Variants in KDM3B observed in about 807,000 individuals in gnomAD.
The protein encoded by KDM3B is lysine demethylase 3B.
KDM3B carries 10 observed loss-of-function variants against 170.0 expected under a neutral mutation model. The observed-to-expected ratio is 0.06, with a 90% CI of 0.04 to 0.10. KDM3B has a LOEUF of 0.10. KDM3B is among the 10% of genes least tolerant of loss of function. The probability of loss-of-function intolerance (pLI) is 1.00; values close to 1 mark genes in which losing one functional copy is unlikely to be tolerated. For synonymous variants in KDM3B, 831 were observed against 834.8 expected (o/e 1.00, Z 0.08); for missense variants, 1,394 against 2,195.2 (o/e 0.64, Z 7.29).
chr5:138,372,228 A>G (rs1281100203), intron 1 of KDM3B, among the ~76,000 whole-genome samples: 1 of 152,248 alleles, frequency 6.6e-6, no homozygotes, highest in Admixed American at 6.5e-5. Flanking sequence ...AAAAATAATT[A>G]AAAGTTCACA....
chr5:138,373,986 T>G (rs1761935720), intron 2 of KDM3B, among the ~76,000 whole-genome samples: 2 of 152,166 alleles, frequency 1.3e-5, no homozygotes, highest in East Asian at 1.9e-4. Context: ...TTTTTCTTTT[T>G]GTCTTTTGTT....
chr5:138,360,506 AT>A (rs1761569078), intron 1 of KDM3B, among the ~76,000 whole-genome samples: 2 of 133,118 alleles, frequency 1.5e-5, no homozygotes, highest in Non-Finnish European at 3.2e-5. Flanking sequence ...TGTATAGTTG[AT>A]TTTTTAAAAA....
intron 1 of KDM3B, among the ~76,000 whole-genome samples, chr5:138,356,562 C>T (rs527594644): frequency 2.6e-5 from 4 of 151,486 alleles, no homozygotes; most frequent in African/African-American, 7.3e-5. Context: ...TTACCACTCT[C>T]TGCAAGTTCT....
chr5:138,368,307 A>G (rs1761794108), intron 1 of KDM3B, among the ~76,000 whole-genome samples: 1 of 149,528 alleles, frequency 6.7e-6, no homozygotes, highest in African/African-American at 2.5e-5. Flanking sequence ...ATCGTAGCTC[A>G]CTGCAGCCTT....
At chr5:138,421,461 A>C (rs1326512796) in intron 15 of KDM3B, among the ~76,000 whole-genome samples, 1 of 152,156 alleles carries the variant, frequency 6.6e-6, no homozygotes, top group Admixed American at 6.5e-5. Context: ...TTCATATCTA[A>C]TTTGTTAGCA....
intron 1 of KDM3B, among the ~76,000 whole-genome samples, chr5:138,363,955 C>A (rs1761681339): frequency 6.9e-6 from 1 of 144,404 alleles, no homozygotes; most frequent in African/African-American, 2.6e-5. Context: ...CTCACTCTGT[C>A]GCCTAGGCTA....
intron 1 of KDM3B, among the ~76,000 whole-genome samples, chr5:138,370,641 A>C (rs1450170202): frequency 1.3e-5 from 2 of 152,184 alleles, no homozygotes; most frequent in East Asian, 3.8e-4. Context: ...AAATCATAGC[A>C]CATACATCTG....
chr5:138,368,189 A>G (rs73255869), intron 1 of KDM3B, among the ~76,000 whole-genome samples: 1,595 of 150,712 alleles, frequency 0.011, 35 homozygotes, highest in African/African-American at 0.037. Flanking sequence ...TATGTGTTCT[A>G]TGTACTTAGA....
At chr5:138,430,492 A>G in intron 22 of KDM3B, 67 bp downstream of exon 22, 1 of 1,430,116 alleles carries the variant, frequency 7.0e-7, no homozygotes, top group Non-Finnish European at 9.7e-7. Context: ...TTTTCTTGCT[A>G]ATCTACCAAG....
intron 7 of KDM3B, among the ~76,000 whole-genome samples, chr5:138,390,063 G>T (rs950211401): frequency 6.6e-6 from 1 of 151,988 alleles, no homozygotes; most frequent in Admixed American, 6.6e-5. Context: ...GTTTCACCGT[G>T]TTGGCCAGGA....
intron 1 of KDM3B, among the ~76,000 whole-genome samples, chr5:138,361,346 T>G (rs1761605043): frequency 6.6e-6 from 1 of 152,142 alleles, no homozygotes; most frequent in Non-Finnish European, 1.5e-5. Flanking sequence ...CTCCTTTTTT[T>G]TTTTTTCCTT....
intron 11 of KDM3B, among the ~76,000 whole-genome samples, chr5:138,414,686 G>A (rs1763057905): frequency 6.6e-6 from 1 of 152,186 alleles, no homozygotes; most frequent in Admixed American, 6.5e-5. Context: ...TGGGCACAGT[G>A]ACTCATACCT....
intron 3 of KDM3B, 63 bp downstream of exon 3, chr5:138,375,269 T>C (rs1343632257): frequency 1.9e-6 from 2 of 1,033,780 alleles, no homozygotes; most frequent in Non-Finnish European, 3.0e-6. Flanking sequence ...TCTTTGTTGA[T>C]ATAAACATAG....
chr5:138,361,566 G>T (rs1761611210), intron 1 of KDM3B, among the ~76,000 whole-genome samples: 1 of 152,190 alleles, frequency 6.6e-6, no homozygotes, highest in African/African-American at 2.4e-5. Flanking sequence ...TTGGACAAGG[G>T]AAATTGGGTG....
chr5:138,406,864 G>T (rs953833565), intron 11 of KDM3B, among the ~76,000 whole-genome samples: 1 of 151,668 alleles, frequency 6.6e-6, no homozygotes, highest in Non-Finnish European at 1.5e-5. Flanking sequence ...AGACCAGCAG[G>T]GGAACATAGT....
At chr5:138,353,143 AGCGCTTGCCG>A (rs1229494474) in intron 1 of KDM3B, among the ~76,000 whole-genome samples, 156 bp downstream of exon 1, 2 of 152,018 alleles carry the variant, frequency 1.3e-5, no homozygotes, top group Non-Finnish European at 2.9e-5. Context: ...CCGCACCCCG[AGCGCTTGCCG>A]GCATGGCTTC....
At chr5:138,403,175 A>G (rs1158811005) in intron 11 of KDM3B, among the ~76,000 whole-genome samples, 1 of 152,204 alleles carries the variant, frequency 6.6e-6, no homozygotes, top group Non-Finnish European at 1.5e-5. Context: ...AAGTTACATA[A>G]TTGTGCACCA....
At chr5:138,381,185 C>A (rs1396885332) in intron 5 of KDM3B, among the ~76,000 whole-genome samples, 1 of 152,066 alleles carries the variant, frequency 6.6e-6, no homozygotes, top group East Asian at 1.9e-4. Context: ...TAGAGTGATT[C>A]TTTTAATGAT....
intron 9 of KDM3B, chr5:138,397,846 G>C (rs1448146918): frequency 5.9e-6 from 1 of 170,904 alleles, no homozygotes; most frequent in African/African-American, 2.4e-5. Context: ...GGGTGACAGA[G>C]CAAGACTCTG....
Sources: gnomAD v4.1 joint callset for allele counts (sites outside exome capture counted in the v4.1 genomes callset) on GRCh38, gnomAD v4.1.1 for gene constraint, MANE v1.5 for transcripts, NCBI Gene and HGNC (gene_info 2026-07-23, HGNC 2026-07-21) for gene names.